The following METTL6 variants were observed in gnomAD, a reference collection of about 807,000 sequenced individuals.
METTL6 encodes methyltransferase 6, tRNA N3-cytidine, also known as tRNA N(3)-cytidine methyltransferase METTL6.
In METTL6, 22 loss-of-function variants were observed where a neutral mutation model predicts 26.4. The ratio of observed to expected loss-of-function variants is 0.83; its 90% confidence interval spans 0.59 to 1.19. The LOEUF (loss-of-function observed/expected upper bound fraction) is 1.19. Among genes scored for constraint, METTL6 ranks in the 50% most tolerant of loss-of-function variants. The pLI is 0.00. For missense variants in METTL6, 304 were observed against 324.8 expected (o/e 0.94, Z 0.49); for synonymous variants, 109 against 116.2 (o/e 0.94, Z 0.40).
intron 3 of METTL6, among the ~76,000 whole-genome samples, chr3:15,421,876 C>T (rs917011468): frequency 2.5e-4 from 38 of 152,188 alleles, no homozygotes; most frequent in Non-Finnish European, 4.9e-4. Context: ...CGTGCCACTG[C>T]ACTCCAGCCT....
intron 6 of METTL6, among the ~76,000 whole-genome samples, chr3:15,396,008 G>A (rs1458297217): frequency 5.3e-5 from 8 of 152,194 alleles, no homozygotes; most frequent in African/African-American, 1.7e-4. Flanking sequence ...TCTTTGTGGT[G>A]TTCTCTGTAT....
Position 15,394,587 on chromosome 3 carries a change from G to A in METTL6, c.*12-10400C>T, listed in dbSNP as rs1306496531. Among the ~76,000 whole-genome samples the A allele has an allele frequency of 6.6e-5, 10 of 152,208 alleles. No homozygotes were observed. In the South Asian group the frequency reaches 8.3e-4, roughly 13 times the overall value. ...CTTCTCTAGTTCTTTTAATTGTGACGTTAGGGTGTCAATTTTAGATCTTTC... is the reference window on the plus strand; with the variant it reads ...CTTCTCTAGTTCTTTTAATTGTGACATTAGGGTGTCAATTTTAGATCTTTC... On this transcript the variant is annotated intron_variant, in intron 6 of 6. Transcript: ENST00000443029.
chr3:15,389,485 T>A (rs1483628568), intron 6 of METTL6, among the ~76,000 whole-genome samples: 1 of 152,228 alleles, frequency 6.6e-6, no homozygotes, highest in Non-Finnish European at 1.5e-5. Context: ...ATACTCATTA[T>A]ACCAGGGAGC....
In METTL6 at chr3:15,386,953, C is replaced by T. The variant is rs148826060; in HGVS notation, c.*12-2766G>A. The stretch of plus-strand genomic sequence containing the variant: ...GATTACAGGCATGCACCACTACGCC[C>T]GGCTAATTTTGTATTTTTAGCAGAG... On this transcript the variant is annotated intron_variant, in intron 6 of 6. Transcript: ENST00000443029. Among the ~76,000 whole-genome samples the T allele has an allele frequency of 8.5e-3, 1,290 of 151,902 alleles. 6 individuals carry two copies. The highest frequency in any genetic ancestry group is 0.028 in the African/African-American group (1,153 of 41,352).
chr3:15,406,629 TAGAGAG>T (rs1211289541), downstream of METTL6, among the ~76,000 whole-genome samples: 4 of 20,728 alleles, frequency 1.9e-4, no homozygotes, highest in East Asian at 1.2e-3. Context: ...TATATATATA[TAGAGAG>T]AGAGAGAGAG....
At chr3:15,394,451 C>A (rs1337434418) in intron 6 of METTL6, among the ~76,000 whole-genome samples, 3 of 152,126 alleles carry the variant, frequency 2.0e-5, no homozygotes, top group Admixed American at 6.6e-5. Flanking sequence ...AAAACCAGCT[C>A]CTGGATTCAT....
At position 15,410,662 on chromosome 3, in the gene METTL6, T is replaced by C. The variant is rs972280892; in HGVS notation, c.*594A>G. Among the ~76,000 whole-genome samples the C allele has an allele frequency of 3.3e-5, 5 of 152,024 alleles. No individual in the cohort carries two copies. Among genetic ancestry groups the C allele is most frequent in the Non-Finnish European group, 7.4e-5 (5 of 68,014 alleles). ...AGTTGAAAACAGGTAATTGAAATTG[T>C]GGTAAGTGAAACCATGGATAAAGCG... On this transcript the variant is annotated 3_prime_UTR_variant, in exon 6 of 6. Transcript: ENST00000383790.
chr3:15,415,395 G>T, intron 4 of METTL6: 1 of 1,157,914 alleles, frequency 8.6e-7, no homozygotes, highest in Non-Finnish European at 1.2e-6. Context: ...GACCTCAAGT[G>T]ATTCACCTGC....
At chr3:15,391,055 T>G (rs902306960) in intron 6 of METTL6, among the ~76,000 whole-genome samples, 2 of 152,196 alleles carry the variant, frequency 1.3e-5, no homozygotes, top group Non-Finnish European at 2.9e-5. Context: ...GGCAGGCCCC[T>G]CTCCAAAGCC....
downstream of METTL6, among the ~76,000 whole-genome samples, chr3:15,408,070 T>C (rs1354293732): frequency 6.6e-6 from 1 of 152,222 alleles, no homozygotes; most frequent in East Asian, 1.9e-4. Flanking sequence ...TTAGCCCAAT[T>C]TCCCTACTTA....
intron 6 of METTL6, among the ~76,000 whole-genome samples, chr3:15,400,327 G>C (rs927391676): frequency 6.6e-6 from 1 of 152,036 alleles, no homozygotes; most frequent in Non-Finnish European, 1.5e-5. Flanking sequence ...CCTCAAGATG[G>C]TACACACACT....
chr3:15,382,084 T>C (rs1478190103), exon 7 of METTL6: 1 of 150,472 alleles, frequency 6.6e-6, no homozygotes, highest in Admixed American at 6.6e-5. Flanking sequence ...GGGGTCTCAC[T>C]CTGCTGCCCA....
chr3:15,415,511 T>A, intron 4 of METTL6: 1 of 1,594,534 alleles, frequency 6.3e-7, no homozygotes, highest in Non-Finnish European at 8.5e-7. Flanking sequence ...ATAGCAGGAC[T>A]CCATGGATCC....
downstream of METTL6, among the ~76,000 whole-genome samples, chr3:15,405,144 A>C (rs1699750701): frequency 6.6e-6 from 1 of 152,238 alleles, no homozygotes; most frequent in Admixed American, 6.5e-5. Context: ...ATAGGAAAGT[A>C]CAAAGGGGTA....
intron 4 of METTL6, chr3:15,414,793 C>T (rs1185917224): frequency 1.5e-5 from 7 of 452,676 alleles, no homozygotes; most frequent in Non-Finnish European, 2.2e-5. Context: ...TCTGGTAGTG[C>T]GTCCTGTAGT....
chr3:15,425,125 A>T (rs1479520530), intron 2 of METTL6, 36 bp from the exon 3 acceptor site: 2 of 1,605,748 alleles, frequency 1.2e-6, no homozygotes, highest in South Asian at 2.2e-5. Context: ...AGTATATCAC[A>T]TTTGCATAAT....
intron 6 of METTL6, among the ~76,000 whole-genome samples, chr3:15,390,577 G>C (rs568314506): frequency 6.6e-6 from 1 of 152,336 alleles, no homozygotes; most frequent in South Asian, 2.1e-4. Flanking sequence ...CCCCTTGTGA[G>C]AGTGAGTGAG....
At chr3:15,407,753 A>G (rs76495676), downstream of METTL6, among the ~76,000 whole-genome samples, 897 of 152,270 alleles carry the variant, frequency 5.9e-3, 9 homozygotes, top group African/African-American at 0.021. Flanking sequence ...TTTGGGGGTT[A>G]TATCTATGTT....
intron 6 of METTL6, among the ~76,000 whole-genome samples, chr3:15,397,497 C>T (rs1031372933): frequency 6.6e-6 from 1 of 152,156 alleles, no homozygotes; most frequent in African/African-American, 2.4e-5. Flanking sequence ...CTGTCCTGCA[C>T]CCACTGTCTG....
Sources: allele counts gnomAD v4.1 joint callset (sites outside exome capture counted in the v4.1 genomes callset), GRCh38; gene constraint gnomAD v4.1.1; transcripts MANE v1.5; gene names NCBI Gene and HGNC (gene_info 2026-07-23, HGNC 2026-07-21).